KDM4B: variants seen among roughly 807,000 people sequenced by gnomAD.
The protein encoded by KDM4B is lysine-specific demethylase 4B.
KDM4B carries 32 observed loss-of-function variants against 125.2 expected under a neutral mutation model. The ratio of observed to expected loss-of-function variants is 0.26; its 90% CI spans 0.19 to 0.34. KDM4B has a LOEUF of 0.34. KDM4B is among the 10% of genes least tolerant of loss of function. KDM4B has a pLI of 1.00. For synonymous variants in KDM4B, 721 were observed against 677.9 expected (o/e 1.06, Z -0.99); for missense variants, 1,190 against 1,577.7 (o/e 0.75, Z 4.16).
chr19:5,122,463 A>G (rs2039379008), intron 11 of KDM4B, among the ~76,000 whole-genome samples: 1 of 152,348 alleles, frequency 6.6e-6, no homozygotes, highest in Middle Eastern at 3.4e-3. Context: ...TGCCTGCCAC[A>G]TGCTTAGGCA....
At chr19:4,977,818 G>A (rs1179932824) in intron 1 of KDM4B, among the ~76,000 whole-genome samples, 1 of 152,164 alleles carries the variant, frequency 6.6e-6, no homozygotes, top group African/African-American at 2.4e-5. Context: ...CAGCCTCGGC[G>A]CCCTTGGGGA....
chr19:4,973,418 A>G (rs989924917), intron 1 of KDM4B, among the ~76,000 whole-genome samples: 1 of 151,998 alleles, frequency 6.6e-6, no homozygotes, highest in Admixed American at 6.6e-5. Context: ...CAAACTCCTG[A>G]CCTCAAGTGA....
At chr19:5,029,229 T>C (rs956822195) in intron 2 of KDM4B, among the ~76,000 whole-genome samples, 5 of 152,248 alleles carry the variant, frequency 3.3e-5, no homozygotes, top group African/African-American at 1.2e-4. Flanking sequence ...CCATTTTTAC[T>C]GGGCTGTTTG....
intron 2 of KDM4B, among the ~76,000 whole-genome samples, chr19:5,031,548 T>G (rs986225446): frequency 3.3e-5 from 5 of 152,120 alleles, no homozygotes; most frequent in Non-Finnish European, 7.4e-5. Context: ...TCAAACCCAG[T>G]GGGGGTCTCT....
intron 9 of KDM4B, among the ~76,000 whole-genome samples, chr19:5,110,360 T>C (rs2039115656): frequency 6.6e-6 from 1 of 152,122 alleles, no homozygotes; most frequent in Non-Finnish European, 1.5e-5. Flanking sequence ...TATTCCCAGC[T>C]ACTTGGGAGG....
At chr19:5,111,115 G>A (rs867026362) in intron 10 of KDM4B, among the ~76,000 whole-genome samples, 1 of 152,162 alleles carries the variant, frequency 6.6e-6, no homozygotes, top group Middle Eastern at 3.4e-3. Flanking sequence ...TCATGTCCCC[G>A]CCAGGAGGCT....
intron 2 of KDM4B, among the ~76,000 whole-genome samples, chr19:5,029,681 G>A (rs1599451770): frequency 2.0e-5 from 3 of 152,250 alleles, no homozygotes; most frequent in African/African-American, 7.2e-5. Flanking sequence ...ACAAAAATTA[G>A]CCAGGTGTGG....
chr19:5,000,023 A>G (rs1442911201), intron 1 of KDM4B, among the ~76,000 whole-genome samples: 2 of 80,266 alleles, frequency 2.5e-5, no homozygotes, highest in African/African-American at 1.0e-4. Flanking sequence ...CCATCTATCC[A>G]TCCATCCATC....
intron 11 of KDM4B, among the ~76,000 whole-genome samples, chr19:5,126,606 C>T (rs1356343475): frequency 7.2e-5 from 11 of 152,224 alleles, no homozygotes; most frequent in Admixed American, 6.5e-4. Context: ...GGAGAGGCCT[C>T]GTGGCTGGTG....
chr19:5,039,713 G>T, intron 3 of KDM4B, 123 bp from the exon 4 acceptor site: 2 of 1,093,858 alleles, frequency 1.8e-6, no homozygotes, highest in East Asian at 2.5e-5. Context: ...CGTGCCCCTG[G>T]GGGGTGTCCC....
chr19:5,103,330 A>T (rs2038973400), intron 9 of KDM4B, among the ~76,000 whole-genome samples: 1 of 152,134 alleles, frequency 6.6e-6, no homozygotes, highest in African/African-American at 2.4e-5. Context: ...GTATTTTTTC[A>T]TGCTTTGGAA....
At chr19:5,131,744 G>A (rs2039560425) in intron 12 of KDM4B, 143 bp from the exon 13 acceptor site, 6 of 968,544 alleles carry the variant, frequency 6.2e-6, no homozygotes, top group Non-Finnish European at 9.3e-6. Flanking sequence ...GAGAACAGAG[G>A]AGCCCTGTGG....
intron 1 of KDM4B, among the ~76,000 whole-genome samples, chr19:4,973,643 C>G (rs928528469): frequency 6.6e-6 from 1 of 152,096 alleles, no homozygotes; most frequent in African/African-American, 2.4e-5. Flanking sequence ...AGCTCACTCC[C>G]TGCGTGACTG....
intron 11 of KDM4B, among the ~76,000 whole-genome samples, chr19:5,130,784 A>G (rs545693131): frequency 5.4e-4 from 82 of 152,334 alleles, no homozygotes; most frequent in Non-Finnish European, 1.1e-3. Flanking sequence ...CCGTGACCCC[A>G]GAAGGCACAT....
rs182597799 is a variant in KDM4B, at chr19:5,120,175, G to A, written c.1315+323G>A. 3.9e-4 allele frequency among the ~76,000 whole-genome samples: 60 copies of A among 152,216 alleles called. 2 individuals are homozygous for A. In the East Asian group the frequency reaches 0.01, roughly 26 times the overall value. ...AGTTTGAGACCCTGTCTCTACTTAT[G>A]ATATAAAAAAAATTTAACCAGGCTT... On this transcript the variant is annotated intron_variant, in intron 11 of 22. Coordinates refer to ENST00000159111, the MANE Select transcript of KDM4B (RefSeq NM_015015.3).
intron 5 of KDM4B, among the ~76,000 whole-genome samples, chr19:5,041,711 C>G (rs1037486069): frequency 6.6e-6 from 1 of 152,244 alleles, no homozygotes; most frequent in Non-Finnish European, 1.5e-5. Flanking sequence ...CTGGAGCGTC[C>G]TCTTGTCCAC....
intron 10 of KDM4B, among the ~76,000 whole-genome samples, chr19:5,117,411 C>A (rs2039278409): frequency 6.6e-6 from 1 of 152,080 alleles, no homozygotes; most frequent in Admixed American, 6.5e-5. Flanking sequence ...GGGAGGGCGC[C>A]CTTCTGCTGG....
intron 6 of KDM4B, among the ~76,000 whole-genome samples, chr19:5,065,027 G>C (rs942814860): frequency 1.1e-4 from 17 of 152,364 alleles, no homozygotes; most frequent in African/African-American, 9.6e-5. Context: ...CCGAGGTCAG[G>C]TGCGGTGTGC....
intron 9 of KDM4B, among the ~76,000 whole-genome samples, chr19:5,084,603 TTA>T (rs945647222): frequency 7.0e-6 from 1 of 143,570 alleles, no homozygotes; most frequent in Non-Finnish European, 1.5e-5. Context: ...ATTATATAAA[TTA>T]TATATATAAC....
Sources: allele counts gnomAD v4.1 joint callset (sites outside exome capture counted in the v4.1 genomes callset), GRCh38; gene constraint gnomAD v4.1.1; transcripts MANE v1.5; gene names NCBI Gene and HGNC (gene_info 2026-07-23, HGNC 2026-07-21).